The following CALCRL variants were observed in gnomAD, a reference collection of about 807,000 sequenced individuals.
CALCRL encodes calcitonin receptor like receptor.
In CALCRL, 27 loss-of-function variants were observed where a neutral mutation model predicts 60.4. That is an observed-to-expected ratio of 0.45 (90% CI 0.33 to 0.62). The LOEUF (loss-of-function observed/expected upper bound fraction) is 0.62. CALCRL is among the 20% of genes least tolerant of loss of function. The pLI, the probability that CALCRL is intolerant of heterozygous loss-of-function variation, is 0.03. For synonymous variants in CALCRL, 190 were observed against 182.6 expected (o/e 1.04, Z -0.33); for missense variants, 424 against 540.7 (o/e 0.78, Z 2.14).
intron 1 of CALCRL, among the ~76,000 whole-genome samples, chr2:187,426,544 A>G (rs749843376): frequency 5.0e-4 from 76 of 152,170 alleles, no homozygotes; most frequent in Middle Eastern, 3.4e-3. Flanking sequence ...TACATTACCT[A>G]TTTATACCTC....
chr2:187,364,395 G>A (rs986096004), intron 8 of CALCRL, among the ~76,000 whole-genome samples: 2 of 152,018 alleles, frequency 1.3e-5, no homozygotes, highest in Admixed American at 6.6e-5. Flanking sequence ...TTAATGTCAA[G>A]TGTGAACTCA....
intron 1 of CALCRL, among the ~76,000 whole-genome samples, chr2:187,408,901 A>G (rs1689244328): frequency 6.6e-6 from 1 of 152,232 alleles, no homozygotes; most frequent in Non-Finnish European, 1.5e-5. Context: ...ATTGTGCTGT[A>G]TAATATTTTA....
chr2:187,364,779 A>G (rs1687205836), intron 8 of CALCRL, among the ~76,000 whole-genome samples: 3 of 152,180 alleles, frequency 2.0e-5, no homozygotes, highest in Non-Finnish European at 1.5e-5. Flanking sequence ...ATCCAAATCA[A>G]TATTATAAAT....
chr2:187,435,842 G>C (rs931998626), intron 1 of CALCRL, among the ~76,000 whole-genome samples: 1 of 144,054 alleles, frequency 6.9e-6, no homozygotes, highest in Non-Finnish European at 1.5e-5. Flanking sequence ...ACTAATCCTT[G>C]AATCAAGGTG....
At chr2:187,418,969 G>A (rs559522528) in intron 1 of CALCRL, among the ~76,000 whole-genome samples, 2 of 143,376 alleles carry the variant, frequency 1.4e-5, no homozygotes, top group East Asian at 2.0e-4. Flanking sequence ...TATTTCCCCT[G>A]CCTCAGCCTC....
intron 1 of CALCRL, among the ~76,000 whole-genome samples, chr2:187,426,911 A>T (rs1417242141): frequency 6.6e-6 from 1 of 152,132 alleles, no homozygotes; most frequent in Non-Finnish European, 1.5e-5. Flanking sequence ...AACAAAAGTA[A>T]AATTTTATTT....
chr2:187,447,807 T>A (rs1691261787), intron 1 of CALCRL, among the ~76,000 whole-genome samples: 1 of 152,146 alleles, frequency 6.6e-6, no homozygotes, highest in South Asian at 2.1e-4. Flanking sequence ...AGATTTTTAA[T>A]ACTTGCTAAA....
chr2:187,411,487 C>A (rs1189238098), intron 1 of CALCRL, among the ~76,000 whole-genome samples: 2 of 151,824 alleles, frequency 1.3e-5, no homozygotes, highest in Non-Finnish European at 1.5e-5. Flanking sequence ...TTTAGTGTTA[C>A]AAGGATGAAT....
intron 1 of CALCRL, among the ~76,000 whole-genome samples, chr2:187,420,420 G>C (rs1366546846): frequency 6.6e-6 from 1 of 151,406 alleles, no homozygotes; most frequent in African/African-American, 2.4e-5. Context: ...ACTTATATAG[G>C]CTAATAGTTA....
chr2:187,429,663 T>C (rs1690313289), intron 1 of CALCRL, among the ~76,000 whole-genome samples: 1 of 152,202 alleles, frequency 6.6e-6, no homozygotes. Flanking sequence ...TTTCTACCTC[T>C]TTCTTGCTAG....
chr2:187,404,252 A>G (rs1177105508), intron 1 of CALCRL, among the ~76,000 whole-genome samples: 1 of 151,856 alleles, frequency 6.6e-6, no homozygotes, highest in Non-Finnish European at 1.5e-5. Context: ...CCCTCACCGA[A>G]TCTTAAGATG....
chr2:187,432,772 A>C (rs1170018684), intron 1 of CALCRL, among the ~76,000 whole-genome samples: 1 of 152,136 alleles, frequency 6.6e-6, no homozygotes, highest in Non-Finnish European at 1.5e-5. Flanking sequence ...AGGATGTTGC[A>C]GTCAAAGATG....
intron 12 of CALCRL, among the ~76,000 whole-genome samples, chr2:187,357,550 C>T (rs1212017639): frequency 1.3e-5 from 2 of 149,888 alleles, no homozygotes. Context: ...ATACATAATG[C>T]ATGTGGCGCT....
At chr2:187,366,054 T>TAA (rs1687262691) in intron 8 of CALCRL, among the ~76,000 whole-genome samples, 1 of 150,462 alleles carries the variant, frequency 6.6e-6, no homozygotes, top group Non-Finnish European at 1.5e-5. Flanking sequence ...CCATCCTGGC[T>TAA]AACAAGGTGA....
At chr2:187,403,289 G>A (rs2105829104) in intron 1 of CALCRL, among the ~76,000 whole-genome samples, 1 of 152,006 alleles carries the variant, frequency 6.6e-6, no homozygotes, top group South Asian at 2.1e-4. Flanking sequence ...GGGTATCTGA[G>A]TGGGTTCCAA....
chr2:187,435,803 C>G (rs983201323), intron 1 of CALCRL, among the ~76,000 whole-genome samples: 3 of 151,692 alleles, frequency 2.0e-5, no homozygotes, highest in Non-Finnish European at 4.4e-5. Flanking sequence ...TTATTATATA[C>G]ACAAAGGAAT....
intron 4 of CALCRL, among the ~76,000 whole-genome samples, 163 bp downstream of exon 4, chr2:187,385,382 T>C (rs1056157911): frequency 4.6e-5 from 7 of 152,164 alleles, no homozygotes; most frequent in East Asian, 1.9e-4. Context: ...ATACCTGTTA[T>C]AGGACTAAAA....
At chr2:187,353,352 A>G (rs565821646) in intron 12 of CALCRL, among the ~76,000 whole-genome samples, 17 of 151,964 alleles carry the variant, frequency 1.1e-4, no homozygotes, top group African/African-American at 4.1e-4. Context: ...TTGTTTAATA[A>G]TCTTAAATTT....
chr2:187,446,116 T>C (rs1033853413), intron 1 of CALCRL, among the ~76,000 whole-genome samples: 1 of 151,720 alleles, frequency 6.6e-6, no homozygotes, highest in Non-Finnish European at 1.5e-5. Context: ...ATTCACATAC[T>C]ATTTCAATTC....
Sources: allele counts gnomAD v4.1 joint callset (sites outside exome capture counted in the v4.1 genomes callset), GRCh38; gene constraint gnomAD v4.1.1; transcripts MANE v1.5; gene names NCBI Gene and HGNC (gene_info 2026-07-23, HGNC 2026-07-21).